C19orf18: variants seen among roughly 807,000 people sequenced by gnomAD.
The protein encoded by C19orf18 is chromosome 19 open reading frame 18, also known as uncharacterized protein C19orf18.
In C19orf18, 21 loss-of-function variants were observed where a neutral mutation model predicts 23.3. That is an observed-to-expected ratio of 0.90 (90% CI 0.64 to 1.30). C19orf18 has a LOEUF of 1.30. Among genes scored for constraint, C19orf18 ranks in the 50% most tolerant of loss-of-function variants. The probability of loss-of-function intolerance (pLI) is 0.00; values close to 1 mark genes in which losing one functional copy is unlikely to be tolerated. For synonymous variants in C19orf18, 96 were observed against 95.2 expected (o/e 1.01, Z -0.05); for missense variants, 249 against 259.6 (o/e 0.96, Z 0.28).
chr19:57,961,194 C>A (rs550528373), intron 5 of C19orf18, among the ~76,000 whole-genome samples, 197 bp downstream of exon 5: 1 of 151,310 alleles, frequency 6.6e-6, no homozygotes, highest in South Asian at 2.1e-4. Context: ...GAGATCGCGC[C>A]ACTGCACTCC....
At position 57,961,267 on chromosome 19, in the gene C19orf18, A is replaced by G. The variant is rs3074431; in HGVS notation, c.532+124T>C. The G allele has an allele frequency of 2.9e-3, 2,477 of 859,312 alleles. 41 individuals carry two copies. The African/African-American group carries it at 0.04, about 14-fold the overall frequency. 53.2% of individuals were successfully genotyped at this position (859,312 alleles called of 1,614,324 possible). On this transcript the variant is annotated intron_variant, in intron 5 of 5. Transcript: ENST00000314391. The stretch of plus-strand genomic sequence containing the variant: ...AAATGAAAGAAAGAAAGGAAGGAAG[A>G]AAGAAAGAAAGGAAAGAAAGAAAGA...
intron 5 of C19orf18, among the ~76,000 whole-genome samples, chr19:57,961,056 A>T (rs986099846): frequency 6.6e-6 from 1 of 152,004 alleles, no homozygotes; most frequent in Non-Finnish European, 1.5e-5. Flanking sequence ...TAAAATGGTG[A>T]AACCCCGTCT....
At chr19:57,969,595 A>C (rs1186798883) in intron 3 of C19orf18, among the ~76,000 whole-genome samples, 3 of 132,680 alleles carry the variant, frequency 2.3e-5, no homozygotes, top group African/African-American at 2.9e-5. Flanking sequence ...AAAAAAAAAA[A>C]ACCAAGAAAA....
intron 4 of C19orf18, among the ~76,000 whole-genome samples, chr19:57,963,640 C>A (rs976105987): frequency 6.6e-6 from 1 of 152,106 alleles, no homozygotes; most frequent in Non-Finnish European, 1.5e-5. Flanking sequence ...GTAATCCCAG[C>A]ACTTTGGGAG....
intron 3 of C19orf18, among the ~76,000 whole-genome samples, chr19:57,967,331 ATT>A (rs1462821324): frequency 6.6e-6 from 1 of 152,206 alleles, no homozygotes; most frequent in Non-Finnish European, 1.5e-5. Context: ...CGAGAGATGG[ATT>A]TTGTTTTTTA....
chr19:57,965,117 T>TTTTTTTTA (rs1555787181), intron 4 of C19orf18, among the ~76,000 whole-genome samples: 39 of 146,038 alleles, frequency 2.7e-4, no homozygotes, highest in African/African-American at 9.6e-4. Flanking sequence ...GTTCTTTTTA[T>TTTTTTTTA]TTTATTTATT....
intron 4 of C19orf18, among the ~76,000 whole-genome samples, chr19:57,962,868 AC>A (rs1568566265): frequency 3.9e-5 from 6 of 151,930 alleles, no homozygotes; most frequent in African/African-American, 1.2e-4. Flanking sequence ...AAAAAAAAAA[AC>A]AAAAAACTTT....
At chr19:57,974,290 T>A in intron 1 of C19orf18, 22 bp downstream of exon 1, 1 of 1,614,102 alleles carries the variant, frequency 6.2e-7, no homozygotes, top group Non-Finnish European at 8.5e-7. Flanking sequence ...CTGAGTCACA[T>A]AAAACCAGTG....
intron 3 of C19orf18, among the ~76,000 whole-genome samples, chr19:57,967,237 C>T (rs947875267): frequency 2.0e-5 from 3 of 152,080 alleles, no homozygotes; most frequent in African/African-American, 4.8e-5. Flanking sequence ...AACTGTAGAC[C>T]ATGAATTTTG....
chr19:57,961,251 A>AAAGAAAGGAAGG, intron 5 of C19orf18, 140 bp downstream of exon 5: 2 of 979,074 alleles, frequency 2.0e-6, no homozygotes, highest in Admixed American at 6.0e-5. Flanking sequence ...AAAATGAAAG[A>AAAGAAAGGAAGG]AAGAAAGGAA....
At chr19:57,971,109 ATG>A (rs2072941669) in intron 3 of C19orf18, among the ~76,000 whole-genome samples, 1 of 152,062 alleles carries the variant, frequency 6.6e-6, no homozygotes, top group South Asian at 2.1e-4. Flanking sequence ...AAGATTGATA[ATG>A]TGTTTGGCGT....
chr19:57,971,804 TC>T (rs1373898034), intron 3 of C19orf18, among the ~76,000 whole-genome samples: 1 of 152,146 alleles, frequency 6.6e-6, no homozygotes, highest in African/African-American at 2.4e-5. Context: ...CTTTCCTGGC[TC>T]CCTTTGCCTT....
intron 3 of C19orf18, among the ~76,000 whole-genome samples, chr19:57,969,732 C>A (rs2123231602): frequency 6.6e-6 from 1 of 151,768 alleles, no homozygotes; most frequent in South Asian, 2.1e-4. Flanking sequence ...CATGGTGAAA[C>A]CCCATCTCTG....
intron 2 of C19orf18, among the ~76,000 whole-genome samples, chr19:57,973,358 G>A (rs940363363): frequency 6.6e-6 from 1 of 151,818 alleles, no homozygotes; most frequent in African/African-American, 2.4e-5. Context: ...GATTGTCGGG[G>A]TTGGTTTTGC....
chr19:57,964,425 G>A (rs1428268992), intron 4 of C19orf18, among the ~76,000 whole-genome samples: 1 of 152,124 alleles, frequency 6.6e-6, no homozygotes, highest in Non-Finnish European at 1.5e-5. Context: ...GGGACTACAG[G>A]TGCGTGCTAC....
intron 5 of C19orf18, among the ~76,000 whole-genome samples, chr19:57,960,834 T>C (rs1185672765): frequency 6.6e-6 from 1 of 152,168 alleles, no homozygotes; most frequent in Admixed American, 6.5e-5. Context: ...CTGTGAATAT[T>C]TGTCTCTCTT....
At chr19:57,969,172 T>C (rs1045255194) in intron 3 of C19orf18, among the ~76,000 whole-genome samples, 1 of 152,152 alleles carries the variant, frequency 6.6e-6, no homozygotes, top group Non-Finnish European at 1.5e-5. Flanking sequence ...GTATAAACTT[T>C]TTCCTTCATG....
chr19:57,966,644 GAA>G lies in C19orf18; in HGVS notation c.269-14_269-13del. The G allele has an allele frequency of 6.4e-7, 1 of 1,565,416 alleles. No individual in the cohort carries two copies. Among genetic ancestry groups the G allele is most frequent in the Non-Finnish European group, 8.8e-7 (1 of 1,138,504 alleles). On this transcript the variant is annotated splice_polypyrimidine_tract_variant and intron_variant, in intron 3 of 5. Transcript: ENST00000314391. ...ATGCCGAATTATTGCTAAAAAGAAA[GAA>G]AAGAAAAGAAGTGCTCAAAAATGTT... is the stretch of plus-strand genomic sequence containing the variant.
chr19:57,966,614 G>A lies in C19orf18; in HGVS notation c.287C>T (p.Pro96Leu), dbSNP rs751776257. Residue 96 changes from proline to leucine, a missense_variant, in exon 4 of 6, where the codon CCT (proline) becomes CTT (leucine). Physicochemically the swap from Pro to Leu is moderately conservative, Grantham distance 98 (BLOSUM62 -3). Coordinates refer to ENST00000314391, the MANE Select transcript of C19orf18 (RefSeq NM_152474.5). ...LRNKAIIRHRPALVKVILISS... is the reference protein window; with the variant it reads ...LRNKAIIRHRLALVKVILISS... ...AATTAAAATTACTTTAACAAGAGCA[G>A]GTCTATGCCGAATTATTGCTAAAAA... 37 of 1,611,302 alleles carry A rather than the reference G, an allele frequency of 2.3e-5. No homozygotes were observed. The highest frequency in any genetic ancestry group is 3.1e-5 in the Non-Finnish European group (37 of 1,177,948).
Sources: allele counts gnomAD v4.1 joint callset (sites outside exome capture counted in the v4.1 genomes callset), GRCh38; gene constraint gnomAD v4.1.1; transcripts MANE v1.5; gene names NCBI Gene and HGNC (gene_info 2026-07-23, HGNC 2026-07-21).